Variants in SOX6 observed in about 807,000 individuals in gnomAD.
SOX6 encodes the protein transcription factor SOX-6.
Under a neutral mutation model 97.8 loss-of-function variants are expected in SOX6, and 11 were observed. The ratio of observed to expected loss-of-function variants is 0.11; its 90% CI spans 0.07 to 0.19. The LOEUF (loss-of-function observed/expected upper bound fraction) is 0.19, where lower values mean the gene tolerates loss of function less well. SOX6 is among the 10% of genes least tolerant of loss of function. The probability of loss-of-function intolerance (pLI) is 1.00; values close to 1 mark genes in which losing one functional copy is unlikely to be tolerated. For missense variants in SOX6, 810 were observed against 1,039.5 expected, an observed-to-expected ratio of 0.78 and a Z score of 3.04; for synonymous variants, 360 against 371.4, an observed-to-expected ratio of 0.97 and a Z score of 0.35.
chr11:16,200,686 C>G (rs1032323222), intron 4 of SOX6, among the ~76,000 whole-genome samples: 2 of 152,148 alleles, frequency 1.3e-5, no homozygotes, highest in African/African-American at 2.4e-5. Flanking sequence ...TCTACTTGAT[C>G]ACCTTTTTGG....
chr11:16,411,565 T>C (rs375524749), intron 1 of SOX6, among the ~76,000 whole-genome samples: 1 of 152,248 alleles, frequency 6.6e-6, no homozygotes, highest in African/African-American at 2.4e-5. Context: ...TTTAAGTACA[T>C]TTACTACAAA....
intron 4 of SOX6, among the ~76,000 whole-genome samples, chr11:16,520,856 C>T (rs1233406122): frequency 6.6e-6 from 1 of 152,230 alleles, no homozygotes; most frequent in African/African-American, 2.4e-5. Flanking sequence ...GGTTCTACGC[C>T]CACGGAGTCT....
intron 6 of SOX6, among the ~76,000 whole-genome samples, chr11:16,160,045 A>G (rs1195261155): frequency 6.6e-6 from 1 of 152,150 alleles, no homozygotes; most frequent in Non-Finnish European, 1.5e-5. Context: ...TTAGCATAAT[A>G]CTAACATATT....
chr11:16,586,471 T>G (rs1176336192), intron 4 of SOX6, among the ~76,000 whole-genome samples: 2 of 152,160 alleles, frequency 1.3e-5, no homozygotes, highest in African/African-American at 2.4e-5. Flanking sequence ...GGCAACACAG[T>G]ACTCTCCCTT....
intron 4 of SOX6, among the ~76,000 whole-genome samples, chr11:16,189,396 G>C (rs1851570680): frequency 1.3e-5 from 2 of 149,250 alleles, no homozygotes; most frequent in African/African-American, 5.0e-5. Context: ...AACGCTATAG[G>C]CAAAGGTCAT....
At chr11:16,586,513 A>G (rs1209708830) in intron 4 of SOX6, among the ~76,000 whole-genome samples, 3 of 152,148 alleles carry the variant, frequency 2.0e-5, no homozygotes, top group Admixed American at 6.5e-5. Context: ...GAAAAAAGAT[A>G]GCCTGGGCAA....
rs780196883 is a variant in SOX6, at chr11:15,986,192, A to G, written c.2183+12T>C. On this transcript the variant is annotated intron_variant, in intron 15 of 15. Transcript: ENST00000683767. The stretch of plus-strand genomic sequence containing the variant: ...AAGTAAAGCCCAGGTGGCTAAATTC[A>G]GGAATACTTACCCCACAGTAAAGAA... 2.2e-5 allele frequency: 36 copies of G among 1,613,350 alleles called. No individual in the cohort carries two copies. The highest frequency in any genetic ancestry group is 1.6e-4 in the Middle Eastern group (1 of 6,076).
At position 16,435,339 on chromosome 11, in the gene SOX6, A is replaced by T. The variant is rs536532384; in HGVS notation, c.-5+40976T>A. On this transcript the variant is annotated intron_variant, in intron 1 of 15. Coordinates refer to the SOX6 transcript ENST00000396356. ...TTAATTGGTTCTATATCTTTTGCAA[A>T]TTCCGAATTATCTTTAAATTGTCTT... Among the ~76,000 whole-genome samples, 3 of 152,312 alleles carry T rather than the reference A, an allele frequency of 2.0e-5. No homozygotes were observed. The East Asian group carries it at 5.8e-4, about 29-fold the overall frequency.
At chr11:16,328,659 C>T (rs1278720509) in intron 2 of SOX6, among the ~76,000 whole-genome samples, 1 of 152,106 alleles carries the variant, frequency 6.6e-6, no homozygotes, top group Non-Finnish European at 1.5e-5. Flanking sequence ...CCACTTTAAA[C>T]AACCTTTTGT....
chr11:16,276,420 T>C (rs919433551), intron 3 of SOX6, among the ~76,000 whole-genome samples: 5 of 152,216 alleles, frequency 3.3e-5, no homozygotes, highest in African/African-American at 1.2e-4. Context: ...TTTGCATTAC[T>C]AGTCTCCTTT....
intron 12 of SOX6, among the ~76,000 whole-genome samples, chr11:16,032,072 A>G (rs1855391375): frequency 6.6e-6 from 1 of 152,182 alleles, no homozygotes; most frequent in Non-Finnish European, 1.5e-5. Context: ...ATAAATTTTC[A>G]TCTCCGTAAG....
chr11:16,268,714 T>C (rs1373460042), intron 3 of SOX6, among the ~76,000 whole-genome samples: 1 of 151,240 alleles, frequency 6.6e-6, no homozygotes, highest in Non-Finnish European at 1.5e-5. Context: ...GGGCCATTTT[T>C]ACATTTGTTT....
At chr11:16,133,022 T>C (rs746429643) in intron 6 of SOX6, among the ~76,000 whole-genome samples, 3 of 152,150 alleles carry the variant, frequency 2.0e-5, no homozygotes, top group Non-Finnish European at 4.4e-5. Context: ...AGAATTGATG[T>C]TAAAAGATCT....
At chr11:16,059,916 A>G (rs1847905271) in intron 9 of SOX6, among the ~76,000 whole-genome samples, 1 of 152,006 alleles carries the variant, frequency 6.6e-6, no homozygotes, top group Non-Finnish European at 1.5e-5. Flanking sequence ...AATGGAGTCA[A>G]GATGGTTACG....
intron 15 of SOX6, 57 bp from the exon 16 acceptor site, chr11:15,973,169 T>G: frequency 6.5e-7 from 1 of 1,549,988 alleles, no homozygotes; most frequent in Non-Finnish European, 8.9e-7. Context: ...ATATGTGCTA[T>G]GTACAGCATT....
At chr11:16,499,825 A>C (rs1470636848) in intron 4 of SOX6, among the ~76,000 whole-genome samples, 3 of 152,194 alleles carry the variant, frequency 2.0e-5, no homozygotes, top group Middle Eastern at 3.2e-3. Flanking sequence ...TTAATAGCTT[A>C]CCAACCAAAA....
chr11:16,224,301 T>C (rs930454964), intron 4 of SOX6, among the ~76,000 whole-genome samples: 1 of 152,114 alleles, frequency 6.6e-6, no homozygotes, highest in Non-Finnish European at 1.5e-5. Flanking sequence ...ATTATATTTA[T>C]AATCAGAACC....
At chr11:16,115,779 T>A (rs1479976311) in intron 6 of SOX6, among the ~76,000 whole-genome samples, 3 of 152,212 alleles carry the variant, frequency 2.0e-5, no homozygotes, top group Non-Finnish European at 4.4e-5. Flanking sequence ...GTTGCACTGT[T>A]TTGGCAAAGA....
chr11:15,978,146 T>C (rs1278422578), intron 15 of SOX6, among the ~76,000 whole-genome samples: 1 of 152,118 alleles, frequency 6.6e-6, no homozygotes, highest in Non-Finnish European at 1.5e-5. Context: ...CATGCTATAA[T>C]CACTCATACC....
Sources: gnomAD v4.1 joint callset for allele counts (sites outside exome capture counted in the v4.1 genomes callset) on GRCh38, gnomAD v4.1.1 for gene constraint, MANE v1.5 for transcripts, NCBI Gene and HGNC (gene_info 2026-07-23, HGNC 2026-07-21) for gene names.